The following ARHGAP21 variants were observed in gnomAD, a reference collection of about 807,000 sequenced individuals.
ARHGAP21 encodes Rho GTPase activating protein 21, also known as rho GTPase-activating protein 21.
ARHGAP21 carries 38 observed loss-of-function variants against 164.6 expected under a neutral mutation model. That is an observed-to-expected ratio of 0.23 (90% CI 0.18 to 0.30). The LOEUF (loss-of-function observed/expected upper bound fraction) is 0.30. Ranked by LOEUF, ARHGAP21 falls within the 10% of genes least tolerant of loss-of-function variation. The pLI is 1.00. For synonymous variants in ARHGAP21, 766 were observed against 857.9 expected (o/e 0.89, Z 1.87); for missense variants, 1,822 against 2,370.7 (o/e 0.77, Z 4.81).
chr10:24,653,673 A>T (rs1351996443), intron 4 of ARHGAP21, among the ~76,000 whole-genome samples: 1 of 152,080 alleles, frequency 6.6e-6, no homozygotes, highest in African/African-American at 2.4e-5. Flanking sequence ...TTCTGTCCTC[A>T]GCCTTCCCAG....
chr10:24,665,792 C>G (rs1840132886), intron 4 of ARHGAP21, among the ~76,000 whole-genome samples: 1 of 152,148 alleles, frequency 6.6e-6, no homozygotes, highest in African/African-American at 2.4e-5. Flanking sequence ...GAGAAAACAT[C>G]AGATAAACTG....
chr10:24,606,822 C>T (rs888276211), intron 11 of ARHGAP21, among the ~76,000 whole-genome samples: 5 of 152,196 alleles, frequency 3.3e-5, no homozygotes, highest in Non-Finnish European at 5.9e-5. Context: ...GCCTGGGCAA[C>T]AAGAGCAAAA....
chr10:24,716,382 T>C (rs1227607532), intron 2 of ARHGAP21, among the ~76,000 whole-genome samples: 1 of 152,206 alleles, frequency 6.6e-6, no homozygotes, highest in Non-Finnish European at 1.5e-5. Context: ...AGGTGACCTC[T>C]AAGCAAAAGC....
chr10:24,685,072 G>GA (rs1842096924), intron 2 of ARHGAP21, among the ~76,000 whole-genome samples: 1 of 152,136 alleles, frequency 6.6e-6, no homozygotes, highest in Non-Finnish European at 1.5e-5. Flanking sequence ...AAATTGGGGG[G>GA]AGGAGGGGTT....
intron 4 of ARHGAP21, among the ~76,000 whole-genome samples, chr10:24,655,603 G>A (rs1179268217): frequency 6.6e-6 from 1 of 150,880 alleles, no homozygotes; most frequent in Non-Finnish European, 1.5e-5. Flanking sequence ...GCCTCCCAAA[G>A]TGCCGAGATT....
chr10:24,593,139 A>ACTG (rs1213909968), intron 21 of ARHGAP21, among the ~76,000 whole-genome samples: 1 of 152,242 alleles, frequency 6.6e-6, no homozygotes, highest in Non-Finnish European at 1.5e-5. Context: ...AAGAAAAGCA[A>ACTG]CTGCTGCACA....
rs554310825 is a variant in ARHGAP21 at position 24,624,434 on chromosome 10, G to C, written c.496-1672C>G. ...GGCTCACTGCAACCTGTGCCTCCCA[G>C]GTTCAAGCAATTCTCCTGCCTCAGC... On this transcript the variant is annotated intron_variant, in intron 7 of 25. Coordinates refer to ENST00000396432, the MANE Select transcript of ARHGAP21 (RefSeq NM_020824.4). Among the ~76,000 whole-genome samples, 48 of 144,442 alleles carry C rather than the reference G, an allele frequency of 3.3e-4. 1 individual carries two copies. Among genetic ancestry groups the C allele is most frequent in the African/African-American group, 1.2e-3 (45 of 38,810 alleles). The allele number at this position is 144,442 out of a possible 152,430, so 94.8% of individuals were successfully genotyped here.
intron 8 of ARHGAP21, among the ~76,000 whole-genome samples, chr10:24,621,799 T>C (rs1260332124): frequency 6.6e-6 from 1 of 151,876 alleles, no homozygotes; most frequent in Non-Finnish European, 1.5e-5. Flanking sequence ...TAAATGCATT[T>C]TAAGTACTAC....
intron 25 of ARHGAP21, among the ~76,000 whole-genome samples, chr10:24,589,063 G>C (rs893563169): frequency 2.0e-5 from 3 of 152,086 alleles, no homozygotes. Context: ...ACTGCACAAT[G>C]AGAAGAATAT....
chr10:24,671,964 A>G (rs1172026041), intron 2 of ARHGAP21, among the ~76,000 whole-genome samples: 1 of 144,030 alleles, frequency 6.9e-6, no homozygotes, highest in Non-Finnish European at 1.5e-5. Context: ...TCCTATGCTC[A>G]AGTGATCCTC....
chr10:24,584,580 C>G lies in ARHGAP21; in HGVS notation c.5709G>C (p.Leu1903Phe), dbSNP rs763000559. ...AAAGAAGGGGCCTGTTTGTTGAAGCCAAGGTGCTGGAAGAACTGCCTGTGT... is the reference window on the plus strand; with the variant it reads ...AAAGAAGGGGCCTGTTTGTTGAAGCGAAGGTGCTGGAAGAACTGCCTGTGT... ...HCNTGSSSST[L>F]ASTNRPLLSI... Residue 1903 changes from leucine to phenylalanine, a missense_variant, in exon 26 of 26, where the codon TTG becomes TTC. Physicochemically the swap from Leu to Phe is conservative, Grantham distance 22. Around this residue, in one of 5 missense-constraint regions of ARHGAP21, gnomAD observed 165 missense variants for 176.6 expected, o/e 0.93. Transcript: ENST00000396432. 1 of 1,613,886 alleles carries G rather than the reference C, an allele frequency of 6.2e-7. No individual in the cohort carries two copies. Among genetic ancestry groups the G allele is most frequent in the South Asian group, 1.1e-5 (1 of 91,062 alleles).
intron 6 of ARHGAP21, among the ~76,000 whole-genome samples, 181 bp downstream of exon 6, chr10:24,633,221 C>T (rs1836012223): frequency 6.6e-6 from 1 of 152,164 alleles, no homozygotes; most frequent in Admixed American, 6.5e-5. Context: ...ACCAAAGCCA[C>T]CAACTAAGCT....
chr10:24,620,629 C>G lies in ARHGAP21; in HGVS notation c.1266G>C (p.Thr422=). Residue 422 remains threonine, a synonymous_variant, in exon 9 of 26, where the codon ACG becomes ACC. Coordinates refer to ENST00000396432, the MANE Select transcript of ARHGAP21 (RefSeq NM_020824.4). ...TGGGGACGACCTGGTTATAATCTGT[C>G]GTGCTTTGAGATGCTGCTCTTAAAC... ...LDSLRAASQS[T]TDYNQVVPNR... is the part of the protein sequence containing the mutation. The G allele has an allele frequency of 6.2e-7, 1 of 1,614,200 alleles. No homozygotes were observed. Among genetic ancestry groups the G allele is most frequent in the Non-Finnish European group, 8.5e-7 (1 of 1,180,042 alleles).
chr10:24,625,299 G>GCAAAAAAAAAAAAAAAAAAAAAAAAC (rs768183583), intron 7 of ARHGAP21, among the ~76,000 whole-genome samples: 1 of 53,798 alleles, frequency 1.9e-5, no homozygotes, highest in Non-Finnish European at 3.4e-5. Flanking sequence ...ATGAAACAGA[G>GCAAAAAAAAAAAAAAAAAAAAAAAAC]AAAAAAAAAA....
chr10:24,659,611 G>A (rs774601995), intron 4 of ARHGAP21, among the ~76,000 whole-genome samples: 1 of 152,162 alleles, frequency 6.6e-6, no homozygotes, highest in Non-Finnish European at 1.5e-5. Flanking sequence ...CACTGCGCCC[G>A]GCCCAGAATC....
chr10:24,719,120 CACACACACA>C (rs1845677036), intron 2 of ARHGAP21, among the ~76,000 whole-genome samples: 2 of 151,860 alleles, frequency 1.3e-5, no homozygotes, highest in African/African-American at 4.8e-5. Context: ...CACACACACA[CACACACACA>C]CCCCAAAAAT....
At chr10:24,657,141 C>T (rs1393264071) in intron 4 of ARHGAP21, among the ~76,000 whole-genome samples, 2 of 29,682 alleles carry the variant, frequency 6.7e-5, no homozygotes, top group African/African-American at 1.9e-4. Context: ...CCCCCCTGCC[C>T]GGCCAGCCGC....
intron 8 of ARHGAP21, among the ~76,000 whole-genome samples, chr10:24,622,249 A>C (rs1834611972): frequency 6.6e-6 from 1 of 151,698 alleles, no homozygotes; most frequent in Admixed American, 6.6e-5. Flanking sequence ...TCAGTGCAAC[A>C]CAGGGACTAT....
At position 24,589,183 on chromosome 10, in the gene ARHGAP21, G is replaced by C. The variant is rs950101122; in HGVS notation, c.4182+88C>G. ...TTGTTGCTCTGTCTCATTAGACATA[G>C]AGAGGAATGCATTTGTGTATCAACC... On this transcript the variant is annotated intron_variant, in intron 25 of 25. Transcript: ENST00000396432. 7 of 1,114,410 alleles carry C rather than the reference G, an allele frequency of 6.3e-6. No homozygotes were observed. The African/African-American group carries it at 7.8e-5, about 12-fold the overall frequency. 69.0% of individuals were successfully genotyped at this position (1,114,410 alleles called of 1,614,324 possible). A position where few individuals can be genotyped will look rare whatever the true frequency, so the allele number is the denominator to read the frequency against.
Sources: gnomAD v4.1 joint callset for allele counts (sites outside exome capture counted in the v4.1 genomes callset) on GRCh38, gnomAD v4.1.1 for gene constraint, gnomAD v4.1.1 regional missense constraint, MANE v1.5 for transcripts, NCBI Gene and HGNC (gene_info 2026-07-23, HGNC 2026-07-21) for gene names.